Variants in OCA2 observed in about 807,000 individuals in gnomAD.
OCA2 encodes the protein P protein.
A neutral mutation model predicts 100.2 loss-of-function variants in OCA2; 77 were observed. That is an observed-to-expected ratio of 0.77 (90% CI 0.64 to 0.93). The LOEUF (loss-of-function observed/expected upper bound fraction) is 0.93, where lower values mean the gene tolerates loss of function less well. Ranked by LOEUF, OCA2 falls within the 40% of genes least tolerant of loss-of-function variation. The pLI, the probability that OCA2 is intolerant of heterozygous loss-of-function variation, is 0.00. For missense variants in OCA2, 1,062 were observed against 1,089.1 expected, an observed-to-expected ratio of 0.98 and a Z score of 0.35; for synonymous variants, 432 against 439.2, an observed-to-expected ratio of 0.98 and a Z score of 0.21.
At position 27,811,304 on chromosome 15, in the gene OCA2, C is replaced by T. The variant is rs184146591; in HGVS notation, c.2432+33655G>A. On this transcript the variant is annotated intron_variant, in intron 23 of 23. Transcript: ENST00000354638. ...ACAGGTTTTCAGTTGTAAGTGGGAG[C>T]TAAGCTTGAGTATGCAAGGGCATAC... Among the ~76,000 whole-genome samples the T allele has an allele frequency of 2.7e-4, 41 of 152,198 alleles. No individual in the cohort carries two copies. In the South Asian group the frequency reaches 3.9e-3, roughly 15 times the overall value.
chr15:27,942,506 AG>A (rs1307167370), intron 18 of OCA2, among the ~76,000 whole-genome samples: 1 of 151,950 alleles, frequency 6.6e-6, no homozygotes, highest in African/African-American at 2.4e-5. Flanking sequence ...GGTTGGGGAA[AG>A]GGGGGAAGCA....
At chr15:27,748,840 A>T in the OCA2 span, among the ~76,000 whole-genome samples, 1 of 152,246 alleles carries the variant, frequency 6.6e-6, no homozygotes, top group Admixed American at 6.5e-5. Context: ...TGATAAAATA[A>T]AAATAAAATA....
chr15:27,870,331 C>T (rs564041090), intron 21 of OCA2, among the ~76,000 whole-genome samples: 3 of 152,364 alleles, frequency 2.0e-5, no homozygotes, highest in South Asian at 2.1e-4. Context: ...CTGTGCCCTG[C>T]ACACCTGGGA....
At chr15:28,007,165 CA>C (rs1196251426) in intron 9 of OCA2, among the ~76,000 whole-genome samples, 1 of 152,160 alleles carries the variant, frequency 6.6e-6, no homozygotes, top group Non-Finnish European at 1.5e-5. Context: ...GCTGTGGTGG[CA>C]ATCCTTCTTA....
intron 19 of OCA2, among the ~76,000 whole-genome samples, chr15:27,901,583 G>T (rs1426121880): frequency 6.6e-6 from 1 of 152,090 alleles, no homozygotes; most frequent in Non-Finnish European, 1.5e-5. Context: ...TCTTTCCTGA[G>T]AAAGACCCTA....
intron 2 of OCA2, among the ~76,000 whole-genome samples, chr15:28,051,969 C>G (rs1284540503): frequency 6.6e-6 from 1 of 152,150 alleles, no homozygotes; most frequent in Non-Finnish European, 1.5e-5. Context: ...TGTCTAACCC[C>G]CCTCTGCTTC....
chr15:27,912,478 T>C (rs1405592357), intron 19 of OCA2, among the ~76,000 whole-genome samples: 1 of 152,134 alleles, frequency 6.6e-6, no homozygotes, highest in Non-Finnish European at 1.5e-5. Context: ...ACACCGAAGC[T>C]GCTCCCAGTG....
chr15:28,029,690 G>A (rs774443412), intron 3 of OCA2, among the ~76,000 whole-genome samples: 8 of 152,152 alleles, frequency 5.3e-5, no homozygotes, highest in Non-Finnish European at 7.4e-5. Context: ...TGTACCACAC[G>A]TTCCTGCTGT....
At chr15:27,839,910 G>T (rs1171488698) in intron 23 of OCA2, among the ~76,000 whole-genome samples, 1 of 151,960 alleles carries the variant, frequency 6.6e-6, no homozygotes, top group Non-Finnish European at 1.5e-5. Context: ...CATCAAAATA[G>T]AAATTAATAA....
At chr15:27,853,929 G>A (rs1284407133) in intron 21 of OCA2, among the ~76,000 whole-genome samples, 1 of 152,206 alleles carries the variant, frequency 6.6e-6, no homozygotes, top group Non-Finnish European at 1.5e-5. Flanking sequence ...CGAGAATTAA[G>A]GGGCAAGAGA....
downstream of OCA2, among the ~76,000 whole-genome samples, chr15:27,750,236 A>G (rs2030021573): frequency 6.6e-6 from 1 of 152,238 alleles, no homozygotes; most frequent in South Asian, 2.1e-4. Context: ...ATAGAGAAGT[A>G]GAACGTCTCC....
intron 19 of OCA2, among the ~76,000 whole-genome samples, chr15:27,914,995 T>C (rs1274486999): frequency 1.3e-5 from 2 of 152,132 alleles, no homozygotes; most frequent in African/African-American, 2.4e-5. Flanking sequence ...CAAAACATCA[T>C]GGTAGTGGTA....
chr15:27,952,417 G>C (rs1050443062), intron 17 of OCA2, among the ~76,000 whole-genome samples: 4 of 152,192 alleles, frequency 2.6e-5, no homozygotes, highest in African/African-American at 9.6e-5. Flanking sequence ...CTCATCCTCC[G>C]CAAGGCCTCC....
rs2035881012 is a variant in OCA2 at position 27,854,471 on chromosome 15, C to T, written c.2245-2996G>A. Among the ~76,000 whole-genome samples, 3 of 152,166 alleles carry T rather than the reference C, an allele frequency of 2.0e-5. No individual in the cohort carries two copies. The South Asian group carries it at 6.2e-4, about 32-fold the overall frequency. On this transcript the variant is annotated intron_variant, in intron 21 of 23. Coordinates refer to ENST00000354638, the MANE Select transcript of OCA2 (RefSeq NM_000275.3). ...GTTGAACAGCTCAATTTTTTGTTGT[C>T]AGTAGCGTCAAATATACACTGGAAG...
chr15:27,722,649 C>CCTTA, the OCA2 span, among the ~76,000 whole-genome samples: 1 of 139,220 alleles, frequency 7.2e-6, no homozygotes, highest in Admixed American at 7.4e-5. Context: ...TTCCTTCCTT[C>CCTTA]TTTTCTCTCT....
chr15:28,047,442 T>C (rs2043379782), intron 2 of OCA2, among the ~76,000 whole-genome samples: 2 of 152,186 alleles, frequency 1.3e-5, no homozygotes, highest in Non-Finnish European at 2.9e-5. Flanking sequence ...TCATCACCAT[T>C]AAGACATACA....
rs61334149 is a variant in OCA2, at chr15:27,968,986, C to CA, written c.1504-2165dup. On this transcript the variant is annotated intron_variant, in intron 14 of 23. Transcript: ENST00000354638. ...TTTTAAATTCTTCTAAACTCAGAGG[C>CA]AAAAAAAAAAAAAAAGGAACTGTTG... 8.1e-3 allele frequency among the ~76,000 whole-genome samples: 792 copies of CA among 97,906 alleles called. 2 individuals are homozygous for CA. The highest frequency in any genetic ancestry group is 0.014 in the Middle Eastern group (2 of 148). 64.2% of individuals were successfully genotyped at this position (97,906 alleles called of 152,430 possible). A position where few individuals can be genotyped will look rare whatever the true frequency, so the allele number is the denominator to read the frequency against.
At chr15:28,042,354 C>T (rs367569340) in intron 2 of OCA2, among the ~76,000 whole-genome samples, 2 of 151,600 alleles carry the variant, frequency 1.3e-5, no homozygotes, top group Non-Finnish European at 2.9e-5. Flanking sequence ...GGGCCAGGTG[C>T]GGTGGCTCAC....
At chr15:27,880,696 G>A (rs989743016) in intron 19 of OCA2, among the ~76,000 whole-genome samples, 1 of 152,104 alleles carries the variant, frequency 6.6e-6, no homozygotes, top group African/African-American at 2.4e-5. Flanking sequence ...TGTGATTCTT[G>A]CACATTGTTT....
Sources: gnomAD v4.1 joint callset for allele counts (sites outside exome capture counted in the v4.1 genomes callset) on GRCh38, gnomAD v4.1.1 for gene constraint, MANE v1.5 for transcripts, NCBI Gene and HGNC (gene_info 2026-07-23, HGNC 2026-07-21) for gene names.